The following COBL variants were observed in gnomAD, a reference collection of about 807,000 sequenced individuals.
COBL encodes the protein protein cordon-bleu.
COBL carries 51 observed loss-of-function variants against 98.8 expected under a neutral mutation model. That is an observed-to-expected ratio of 0.52 (90% confidence interval 0.41 to 0.65). The LOEUF (loss-of-function observed/expected upper bound fraction) is 0.65, where lower values mean the gene tolerates loss of function less well. COBL is among the 30% of genes least tolerant of loss of function. The pLI is 0.00. For synonymous variants in COBL, 634 were observed against 651.7 expected, an observed-to-expected ratio of 0.97 and a Z score of 0.41; for missense variants, 1,617 against 1,617.5, an observed-to-expected ratio of 1.00 and a Z score of 0.01.
chr7:51,223,471 T>C (rs1793863921), intron 1 of COBL, among the ~76,000 whole-genome samples: 1 of 152,214 alleles, frequency 6.6e-6, no homozygotes, highest in Admixed American at 6.5e-5. Flanking sequence ...GTCACACATC[T>C]GTGCCCTGTA....
rs1456267850 is a variant in COBL at position 51,307,350 on chromosome 7, A to AAACAAAAACAAG, written c.41+9242_41+9243insCTTGTTTTTGTT. Among the ~76,000 whole-genome samples the AAACAAAAACAAG allele has an allele frequency of 3.3e-5, 5 of 150,404 alleles. No individual in the cohort carries two copies. The South Asian group carries it at 6.3e-4, about 19-fold the overall frequency. On this transcript the variant is annotated intron_variant, in intron 1 of 12. Transcript: ENST00000265136. ...GGTGCCAGAGCAAGACTCCATCTCA[A>AAACAAAAACAAG]AACAAAAACAAAAACAAAAACAAAA...
intron 12 of COBL, among the ~76,000 whole-genome samples, chr7:51,021,856 T>C (rs892391071): frequency 2.6e-5 from 4 of 152,210 alleles, no homozygotes; most frequent in Non-Finnish European, 5.9e-5. Context: ...ACAGGTCTAC[T>C]CTCAACACAA....
intron 1 of COBL, among the ~76,000 whole-genome samples, chr7:51,282,481 G>A (rs954826153): frequency 4.6e-5 from 7 of 152,010 alleles, no homozygotes; most frequent in Non-Finnish European, 1.0e-4. Context: ...GGGATAAAGA[G>A]AGACATTACA....
intron 8 of COBL, among the ~76,000 whole-genome samples, chr7:51,041,273 A>G (rs1276712540): frequency 1.3e-5 from 2 of 152,124 alleles, no homozygotes; most frequent in African/African-American, 4.8e-5. Flanking sequence ...GTATAACAAC[A>G]TGGGGAAGTG....
rs535293893 is a variant in COBL at position 51,298,402 on chromosome 7, G to T, written c.41+18191C>A. 7.2e-5 allele frequency among the ~76,000 whole-genome samples: 11 copies of T among 152,356 alleles called. No individual in the cohort carries two copies. The South Asian group carries it at 2.3e-3, about 32-fold the overall frequency. On this transcript the variant is annotated intron_variant, in intron 1 of 12. Coordinates refer to ENST00000265136, the MANE Select transcript of COBL (RefSeq NM_015198.5). Reference sequence around the variant, plus strand: ...CCTTTGTTGTCAGGGCATGCTTTAAGAGGTGGCCTGCTATTCAGGGCTAAT... The same window carrying T: ...CCTTTGTTGTCAGGGCATGCTTTAATAGGTGGCCTGCTATTCAGGGCTAAT...
At chr7:51,162,034 T>C (rs1786870343) in intron 5 of COBL, among the ~76,000 whole-genome samples, 1 of 152,246 alleles carries the variant, frequency 6.6e-6, no homozygotes, top group African/African-American at 2.4e-5. Context: ...TCACTGCTGT[T>C]TGTGTGACTT....
chr7:51,145,845 G>A (rs991982634), intron 5 of COBL, among the ~76,000 whole-genome samples: 16 of 152,088 alleles, frequency 1.1e-4, no homozygotes, highest in African/African-American at 2.7e-4. Context: ...TGTGTGAAGC[G>A]GTGTCTCACT....
At chr7:51,211,138 T>C (rs1337643352) in intron 2 of COBL, among the ~76,000 whole-genome samples, 1 of 152,234 alleles carries the variant, frequency 6.6e-6, no homozygotes, top group Non-Finnish European at 1.5e-5. Flanking sequence ...TGGAAGAGGC[T>C]GCCTGGCCAC....
At chr7:51,030,414 T>C (rs1788025077) in intron 9 of COBL, among the ~76,000 whole-genome samples, 1 of 152,226 alleles carries the variant, frequency 6.6e-6, no homozygotes, top group Non-Finnish European at 1.5e-5. Flanking sequence ...AATGGCTTCA[T>C]TGTGGTCAAA....
At chr7:51,266,169 T>C (rs906745302) in intron 1 of COBL, among the ~76,000 whole-genome samples, 4 of 152,258 alleles carry the variant, frequency 2.6e-5, no homozygotes, top group African/African-American at 9.6e-5. Context: ...CAATAAATTA[T>C]CTCATCTTCT....
intron 1 of COBL, among the ~76,000 whole-genome samples, chr7:51,284,129 C>CAAAAAAAAAAA (rs71021763): frequency 1.4e-4 from 9 of 66,226 alleles, no homozygotes; most frequent in Admixed American, 2.0e-4. Flanking sequence ...ACCAAAAATA[C>CAAAAAAAAAAA]AAAAAAAAAA....
intron 7 of COBL, among the ~76,000 whole-genome samples, chr7:51,048,175 TAAA>T (rs1789902018): frequency 6.6e-6 from 1 of 152,014 alleles, no homozygotes. Flanking sequence ...CAAAAATAAA[TAAA>T]TAAATAAATA....
chr7:51,026,791 G>T lies in COBL; in HGVS notation c.3385-126C>A, dbSNP rs1337856899. The T allele has an allele frequency of 4.3e-6, 5 of 1,173,022 alleles. No homozygotes were observed. The East Asian group carries it at 1.3e-4, about 30-fold the overall frequency. 72.7% of individuals were successfully genotyped at this position (1,173,022 alleles called of 1,614,324 possible). A position where few individuals can be genotyped will look rare whatever the true frequency, so the allele number is the denominator to read the frequency against. On this transcript the variant is annotated intron_variant, in intron 10 of 12. Coordinates refer to ENST00000265136, the MANE Select transcript of COBL (RefSeq NM_015198.5). The stretch of plus-strand genomic sequence containing the variant: ...CTCATGCCTGTAATCCCATCTACTC[G>T]GGAGGCTGTGGCACCAGAATTGTTT...
chr7:51,098,988 C>A (rs887742551), intron 6 of COBL, among the ~76,000 whole-genome samples: 1 of 151,714 alleles, frequency 6.6e-6, no homozygotes, highest in Non-Finnish European at 1.5e-5. Context: ...ATACAAATGG[C>A]CACAAAGCAT....
At chr7:51,299,234 T>C (rs1801689955) in intron 1 of COBL, among the ~76,000 whole-genome samples, 1 of 152,178 alleles carries the variant, frequency 6.6e-6, no homozygotes, top group African/African-American at 2.4e-5. Flanking sequence ...AACGAATGCG[T>C]GAGCCAGCAA....
chr7:51,043,062 C>T (rs1366740952), intron 8 of COBL, among the ~76,000 whole-genome samples: 1 of 152,164 alleles, frequency 6.6e-6, no homozygotes, highest in East Asian at 1.9e-4. Flanking sequence ...TGTTCATTAT[C>T]AGGAAAACAG....
chr7:51,264,537 GGT>G (rs1359654452), intron 1 of COBL, among the ~76,000 whole-genome samples: 1 of 151,680 alleles, frequency 6.6e-6, no homozygotes, highest in Non-Finnish European at 1.5e-5. Context: ...CGGTCTTGGT[GGT>G]GCACACCTGT....
At position 51,149,787 on chromosome 7, in the gene COBL, G is replaced by A. The variant is rs144152982; in HGVS notation, c.784-13456C>T. ...CGCCTGGCTAATTATTGTATTCTTC[G>A]TAGAGCTGCGGTTTCAGCATCTTTG... On this transcript the variant is annotated intron_variant, in intron 5 of 12. Transcript: ENST00000265136. Among the ~76,000 whole-genome samples the A allele has an allele frequency of 2.9e-3, 441 of 152,118 alleles. 2 individuals carry two copies. Among genetic ancestry groups the A allele is most frequent in the African/African-American group, 9.8e-3 (406 of 41,504 alleles).
intron 5 of COBL, among the ~76,000 whole-genome samples, chr7:51,174,248 C>T (rs1212842613): frequency 1.3e-5 from 2 of 152,146 alleles, no homozygotes; most frequent in African/African-American, 4.8e-5. Flanking sequence ...CTTGGAGCTG[C>T]TCAGCCTAAG....
Sources: gnomAD v4.1 joint callset for allele counts (sites outside exome capture counted in the v4.1 genomes callset) on GRCh38, gnomAD v4.1.1 for gene constraint, MANE v1.5 for transcripts, NCBI Gene and HGNC (gene_info 2026-07-23, HGNC 2026-07-21) for gene names.